The following RBFOX1 variants were observed in gnomAD, a reference collection of about 807,000 sequenced individuals.
The protein encoded by RBFOX1 is RNA binding protein fox-1 homolog 1.
A neutral mutation model predicts 57.7 loss-of-function variants in RBFOX1; 8 were observed. The ratio of observed to expected loss-of-function variants is 0.14; its 90% CI spans 0.08 to 0.25. RBFOX1 has a LOEUF of 0.25. RBFOX1 is among the 10% of genes least tolerant of loss of function. The pLI is 1.00. For missense variants in RBFOX1, 611 were observed against 548.5 expected, an observed-to-expected ratio of 1.11 and a Z score of -1.14; for synonymous variants, 326 against 222.4, an observed-to-expected ratio of 1.47 and a Z score of -4.15.
chr16:6,424,584 C>G lies in RBFOX1; in HGVS notation c.-64+107527C>G, dbSNP rs534052317. 7.3e-5 allele frequency among the ~76,000 whole-genome samples: 9 copies of G among 123,100 alleles called. No individual in the cohort carries two copies. In the South Asian group the frequency reaches 2.4e-3, roughly 33 times the overall value. The allele number at this position is 123,100 out of a possible 152,430, so 80.8% of individuals were successfully genotyped here. On this transcript the variant is annotated intron_variant, in intron 2 of 15. Coordinates refer to ENST00000550418, the MANE Select transcript of RBFOX1 (RefSeq NM_018723.4). ...TGTTAATAGTGCTGAGGTTGAGAAACCCTAGTACATCTTAAGAGCACTGTG... is the reference window on the plus strand; with the variant it reads ...TGTTAATAGTGCTGAGGTTGAGAAAGCCTAGTACATCTTAAGAGCACTGTG...
intron 11 of RBFOX1, among the ~76,000 whole-genome samples, chr16:7,649,811 T>A (rs2064573600): frequency 6.6e-6 from 1 of 152,142 alleles, no homozygotes; most frequent in Non-Finnish European, 1.5e-5. Context: ...AGCGTCCTTC[T>A]CCTTCATTTC....
chr16:6,676,529 T>C (rs756277243), intron 3 of RBFOX1, among the ~76,000 whole-genome samples: 1 of 152,098 alleles, frequency 6.6e-6, no homozygotes, highest in Non-Finnish European at 1.5e-5. Flanking sequence ...ACACATTCTA[T>C]GCATATAATC....
chr16:6,815,495 T>A (rs187157834), intron 3 of RBFOX1, among the ~76,000 whole-genome samples: 5 of 152,152 alleles, frequency 3.3e-5, no homozygotes, highest in Admixed American at 2.6e-4. Flanking sequence ...TAAGGAGATA[T>A]GATTATATTT....
intron 2 of RBFOX1, among the ~76,000 whole-genome samples, chr16:5,591,322 G>T (rs1252411583): frequency 6.7e-6 from 1 of 150,080 alleles, no homozygotes. Context: ...CATGATTTCA[G>T]CTCACTGCAA....
intron 3 of RBFOX1, among the ~76,000 whole-genome samples, chr16:5,757,324 TG>T (rs1334306524): frequency 6.6e-6 from 1 of 150,628 alleles, no homozygotes; most frequent in Non-Finnish European, 1.5e-5. Flanking sequence ...GCTTGCCTCC[TG>T]GGTTCAAGTG....
At chr16:6,737,496 A>G (rs917650837) in intron 3 of RBFOX1, among the ~76,000 whole-genome samples, 3 of 152,222 alleles carry the variant, frequency 2.0e-5, no homozygotes, top group African/African-American at 7.2e-5. Flanking sequence ...AGATGGCCAA[A>G]ACAGCTACTA....
chr16:5,703,736 A>AATGTGTGTGTATATATGTGTGTAT (rs1197008906), intron 3 of RBFOX1, among the ~76,000 whole-genome samples: 2 of 152,034 alleles, frequency 1.3e-5, no homozygotes. Context: ...ACAAGTGTCA[A>AATGTGTGTGTATATATGTGTGTAT]ATGTGTGTGT....
chr16:6,034,723 T>C (rs1216371555), intron 1 of RBFOX1, among the ~76,000 whole-genome samples: 1 of 152,210 alleles, frequency 6.6e-6, no homozygotes, highest in Non-Finnish European at 1.5e-5. Context: ...GTTTTTTTGC[T>C]AACACTTTCC....
intron 1 of RBFOX1, among the ~76,000 whole-genome samples, chr16:5,398,247 CTT>C (rs1226715163): frequency 9.2e-5 from 14 of 152,070 alleles, no homozygotes; most frequent in African/African-American, 3.4e-4. Flanking sequence ...ATGGACATGT[CTT>C]TGTGTGGATG....
chr16:5,664,739 C>T (rs921422511), intron 3 of RBFOX1, among the ~76,000 whole-genome samples: 6 of 152,240 alleles, frequency 3.9e-5, no homozygotes, highest in East Asian at 1.9e-4. Context: ...TTGGTCCACA[C>T]GGTCCTAATT....
intron 2 of RBFOX1, among the ~76,000 whole-genome samples, chr16:6,339,786 T>G (rs2084274212): frequency 6.6e-6 from 1 of 152,122 alleles, no homozygotes; most frequent in Non-Finnish European, 1.5e-5. Context: ...TTCTCCTGCC[T>G]CAGCCTCCTG....
chr16:5,577,081 C>G (rs1479775116), intron 2 of RBFOX1, among the ~76,000 whole-genome samples: 2 of 152,240 alleles, frequency 1.3e-5, no homozygotes, highest in Non-Finnish European at 2.9e-5. Context: ...ATGCAGGATA[C>G]TGTCAGGACA....
chr16:7,079,356 A>C (rs1276451009), intron 4 of RBFOX1, among the ~76,000 whole-genome samples: 1 of 152,140 alleles, frequency 6.6e-6, no homozygotes, highest in Non-Finnish European at 1.5e-5. Flanking sequence ...GGAGCAGAGG[A>C]AAGGTATGCT....
At chr16:6,072,275 T>C (rs1223838898) in intron 1 of RBFOX1, among the ~76,000 whole-genome samples, 1 of 152,058 alleles carries the variant, frequency 6.6e-6, no homozygotes, top group Non-Finnish European at 1.5e-5. Context: ...TCCCAATACA[T>C]GTGGGCATAA....
At chr16:5,581,177 GA>G (rs915874520) in intron 2 of RBFOX1, among the ~76,000 whole-genome samples, 49 of 151,918 alleles carry the variant, frequency 3.2e-4, no homozygotes, top group African/African-American at 1.2e-3. Context: ...TTTTTTTTCT[GA>G]CAGAAAAGAA....
chr16:5,855,573 T>C (rs906997686), intron 3 of RBFOX1, among the ~76,000 whole-genome samples: 1 of 152,192 alleles, frequency 6.6e-6, no homozygotes, highest in African/African-American at 2.4e-5. Context: ...TTCTGTTCCA[T>C]TGGTCTTTAT....
chr16:7,241,254 G>A (rs1266985090), intron 4 of RBFOX1, among the ~76,000 whole-genome samples: 1 of 152,040 alleles, frequency 6.6e-6, no homozygotes, highest in African/African-American at 2.4e-5. Flanking sequence ...GCTGAATTCT[G>A]GCATCTCAGT....
At chr16:7,099,310 A>C (rs1378165172) in intron 4 of RBFOX1, among the ~76,000 whole-genome samples, 5 of 152,116 alleles carry the variant, frequency 3.3e-5, no homozygotes, top group African/African-American at 4.8e-5. Flanking sequence ...GAATTTCGTA[A>C]TTCCTGGCTG....
chr16:6,095,923 T>G lies in RBFOX1; in HGVS notation c.-127+75931T>G, dbSNP rs544654140. 2.2e-3 allele frequency among the ~76,000 whole-genome samples: 335 copies of G among 152,294 alleles called. 1 individual carries two copies. Among genetic ancestry groups the G allele is most frequent in the Non-Finnish European group, 3.1e-3 (211 of 68,020 alleles). ...CCCACAGGCTCCCAGTGGAGTCTGGTCATCAGTCTTCTCCCTTTGGAGCTT... is the reference window on the plus strand; with the variant it reads ...CCCACAGGCTCCCAGTGGAGTCTGGGCATCAGTCTTCTCCCTTTGGAGCTT... On this transcript the variant is annotated intron_variant, in intron 1 of 15. Transcript: ENST00000550418.
Sources: allele counts gnomAD v4.1 joint callset (sites outside exome capture counted in the v4.1 genomes callset), GRCh38; gene constraint gnomAD v4.1.1; transcripts MANE v1.5; gene names NCBI Gene and HGNC (gene_info 2026-07-23, HGNC 2026-07-21).